Variants in ATP5MJ observed in about 807,000 individuals in gnomAD.
ATP5MJ encodes ATP synthase F(0) complex subunit j, mitochondrial.
In ATP5MJ, 4 loss-of-function variants were observed where a neutral mutation model predicts 8.3. That is an observed-to-expected ratio of 0.48 (90% confidence interval 0.24 to 1.11). ATP5MJ has a LOEUF of 1.11. Ranked by LOEUF, ATP5MJ falls within the 50% of genes least tolerant of loss-of-function variation. The probability of loss-of-function intolerance (pLI) is 0.18; values close to 1 mark genes in which losing one functional copy is unlikely to be tolerated. For missense variants in ATP5MJ, 66 were observed against 71.8 expected (o/e 0.92, Z 0.29); for synonymous variants, 23 against 21.3 (o/e 1.08, Z -0.23).
In ATP5MJ at chr14:103,913,362, C is replaced by A. The variant is rs377421701; in HGVS notation, c.148+599G>T. ...AAAAACAAAACCAAACCATTAAAAA[C>A]ACATCATTACGGGTAGGCTGAGGCG... On this transcript the variant is annotated intron_variant, in intron 3 of 3. Coordinates refer to ENST00000286953, the MANE Select transcript of ATP5MJ (RefSeq NM_004894.3). 4.7e-4 allele frequency: 72 copies of A among 153,068 alleles called. 1 individual carries two copies. The East Asian group carries it at 0.012, about 27-fold the overall frequency. 9.5% of individuals were successfully genotyped at this position (153,068 alleles called of 1,614,324 possible). A position where few individuals can be genotyped will look rare whatever the true frequency, so the allele number is the denominator to read the frequency against.
chr14:103,916,581 A>C (rs1380395628), intron 1 of ATP5MJ, among the ~76,000 whole-genome samples: 1 of 152,098 alleles, frequency 6.6e-6, no homozygotes, highest in East Asian at 1.9e-4. Context: ...AAACATAAAA[A>C]ATTAACCAGG....
chr14:103,916,091 T>A (rs2087623378), intron 1 of ATP5MJ, among the ~76,000 whole-genome samples: 1 of 152,202 alleles, frequency 6.6e-6, no homozygotes, highest in South Asian at 2.1e-4. Context: ...TGTATCTCCA[T>A]CTTGAAGTCT....
At chr14:103,921,110 G>T in intron 1 of ATP5MJ, 1 of 1,356,964 alleles carries the variant, frequency 7.4e-7, no homozygotes, top group South Asian at 1.3e-5. Flanking sequence ...AGAAGGGACT[G>T]GATGTGGAGT....
At chr14:103,917,507 T>C (rs1567186438) in intron 1 of ATP5MJ, among the ~76,000 whole-genome samples, 1 of 152,070 alleles carries the variant, frequency 6.6e-6, no homozygotes, top group African/African-American at 2.4e-5. Context: ...TTTGACAATA[T>C]GAAGAAAATT....
chr14:103,914,025 C>T lies in ATP5MJ; in HGVS notation c.125-41G>A, dbSNP rs376771450. ...GGAAAAAAAAGCAGTCATATCAATG[C>T]TTTACAAAAATGCCTTTGTCAAAAT... On this transcript the variant is annotated intron_variant, in intron 2 of 3. Coordinates refer to ENST00000286953, the MANE Select transcript of ATP5MJ (RefSeq NM_004894.3). The T allele has an allele frequency of 3.2e-6, 5 of 1,570,338 alleles. No individual in the cohort carries two copies. The South Asian group carries it at 4.6e-5, about 15-fold the overall frequency.
chr14:103,914,760 C>G (rs2087609540), intron 2 of ATP5MJ: 1 of 514,072 alleles, frequency 1.9e-6, no homozygotes, highest in Non-Finnish European at 3.4e-6. Context: ...TCACCTGAGC[C>G]TAGGAGGTGG....
chr14:103,915,984 T>C (rs1286105182), intron 1 of ATP5MJ, among the ~76,000 whole-genome samples: 1 of 152,200 alleles, frequency 6.6e-6, no homozygotes, highest in Non-Finnish European at 1.5e-5. Flanking sequence ...CTCATCGTCA[T>C]GTAATGAATG....
At position 103,915,113 on chromosome 14, in the gene ATP5MJ, A is replaced by G. The variant is rs1342553874; in HGVS notation, c.77T>C (p.Ile26Thr). 1.2e-5 allele frequency: 19 copies of G among 1,614,006 alleles called. No individual in the cohort carries two copies. Among genetic ancestry groups the G allele is most frequent in the Non-Finnish European group, 1.5e-5 (18 of 1,180,022 alleles). Reference protein sequence around the residue: ...YYTKVYQEIWIGMGLMGFIVY... With the variant: ...YYTKVYQEIWTGMGLMGFIVY... The stretch of plus-strand genomic sequence containing the variant: ...GATGAAGCCCATCAGCCCCATTCCT[A>G]TCCAAATCTCCTGGTAAACTTTGGT... The change falls in exon 2 of 4, where the codon ATA becomes ACA. Residue 26 changes from isoleucine to threonine, a missense_variant. By Grantham distance (89) the Ile-to-Thr change is moderately conservative (BLOSUM62 -1). Coordinates refer to ENST00000286953, the MANE Select transcript of ATP5MJ (RefSeq NM_004894.3).
intron 1 of ATP5MJ, among the ~76,000 whole-genome samples, chr14:103,917,597 C>A (rs982972191): frequency 6.6e-6 from 1 of 152,134 alleles, no homozygotes; most frequent in Non-Finnish European, 1.5e-5. Flanking sequence ...ATTCCTCCCC[C>A]ACCGTGGGAG....
At chr14:103,920,584 G>A (rs1475462380) in intron 1 of ATP5MJ, among the ~76,000 whole-genome samples, 2 of 149,058 alleles carry the variant, frequency 1.3e-5, no homozygotes, top group Non-Finnish European at 3.0e-5. Flanking sequence ...CGATTCTCCT[G>A]CCTCAGCCTC....
Position 103,914,001 on chromosome 14 carries a change from G to GA in ATP5MJ, c.125-18dup, listed in dbSNP as rs762486965. 1.8e-5 allele frequency: 29 copies of GA among 1,593,812 alleles called. No individual in the cohort carries two copies. The highest frequency in any genetic ancestry group is 1.6e-4 in the East Asian group (7 of 44,688). Reference sequence around the variant, plus strand: ...TTCTTTTATCTAAAATAAAAGGAAGGAAAAAAAAGCAGTCATATCAATGCT... The same window carrying GA: ...TTCTTTTATCTAAAATAAAAGGAAGGAAAAAAAAAGCAGTCATATCAATGCT... On this transcript the variant is annotated splice_polypyrimidine_tract_variant and intron_variant, in intron 2 of 3. Transcript: ENST00000286953.
intron 1 of ATP5MJ, among the ~76,000 whole-genome samples, chr14:103,920,548 T>C (rs1250139491): frequency 1.5e-4 from 22 of 148,132 alleles, no homozygotes; most frequent in Non-Finnish European, 4.4e-5. Context: ...CTCGGCTCAC[T>C]GCAACCTCCG....
intron 2 of ATP5MJ, chr14:103,914,343 C>T (rs750123270): frequency 7.7e-5 from 41 of 534,922 alleles, no homozygotes; most frequent in Non-Finnish European, 1.3e-4. Context: ...AATTTTTTTA[C>T]AAACAAATTT....
chr14:103,921,168 T>A, intron 1 of ATP5MJ: 2 of 771,702 alleles, frequency 2.6e-6, no homozygotes, highest in Non-Finnish European at 4.2e-6. Context: ...GCGTAGCCTC[T>A]GGGTTAGGCA....
intron 1 of ATP5MJ, among the ~76,000 whole-genome samples, chr14:103,920,468 C>CTTTTTTTT (rs57538744): frequency 5.6e-5 from 6 of 106,574 alleles, no homozygotes; most frequent in African/African-American, 7.5e-5. Context: ...ACAGCCCCTA[C>CTTTTTTTT]TTTTTTTTTT....
intron 1 of ATP5MJ, among the ~76,000 whole-genome samples, chr14:103,918,422 C>T (rs532987933): frequency 4.0e-5 from 6 of 151,874 alleles, no homozygotes; most frequent in South Asian, 2.1e-4. Flanking sequence ...AGTGCAGTGG[C>T]GGATCTCGGC....
chr14:103,914,451 T>A (rs958782418), intron 2 of ATP5MJ: 1 of 595,514 alleles, frequency 1.7e-6, no homozygotes, highest in African/African-American at 1.9e-5. Flanking sequence ...ACGAATGTAA[T>A]ACCACTTTCA....
chr14:103,915,457 C>T (rs577542174), intron 1 of ATP5MJ, among the ~76,000 whole-genome samples: 1 of 152,206 alleles, frequency 6.6e-6, no homozygotes, highest in South Asian at 2.1e-4. Context: ...AGTGATTCTC[C>T]TGCCTCAGCC....
intron 2 of ATP5MJ, chr14:103,914,503 A>G: frequency 1.5e-6 from 1 of 673,806 alleles, no homozygotes; most frequent in South Asian, 1.6e-5. Context: ...AGTCTTGTTC[A>G]AAGTTCCCCA....
Sources: allele counts gnomAD v4.1 joint callset (sites outside exome capture counted in the v4.1 genomes callset), GRCh38; gene constraint gnomAD v4.1.1; transcripts MANE v1.5; gene names NCBI Gene and HGNC (gene_info 2026-07-23, HGNC 2026-07-21).